The following ERC1 variants were observed in gnomAD, a reference collection of about 807,000 sequenced individuals.
ERC1 encodes the protein ELKS/RAB6-interacting/CAST family member 1, also known as RAB6 interacting protein 2.
A neutral mutation model predicts 132.0 loss-of-function variants in ERC1; 56 were observed. That is an observed-to-expected ratio of 0.42 (90% CI 0.34 to 0.53). ERC1 has a LOEUF of 0.53. Among genes scored for constraint, ERC1 ranks in the 20% least tolerant of loss-of-function variants. The pLI is 0.03. For missense variants in ERC1, 1,202 were observed against 1,349.9 expected, an observed-to-expected ratio of 0.89 and a Z score of 1.72; for synonymous variants, 478 against 476.1, an observed-to-expected ratio of 1.00 and a Z score of -0.05.
intron 16 of ERC1, among the ~76,000 whole-genome samples, chr12:1,394,189 A>T (rs4766371): frequency 6.6e-4 from 100 of 151,808 alleles, no homozygotes; most frequent in Non-Finnish European, 1.1e-3. Flanking sequence ...TCACGAGGTC[A>T]GGAGATCGAG....
chr12:1,268,554 A>G lies in ERC1; in HGVS notation c.2619+5389A>G, dbSNP rs115784408. Reference sequence around the variant, plus strand: ...AACAGAGGAAGAGGGGCAAGCCTGAAATCCAGATTTGGGAGGTCTGCAGAA... The same window carrying G: ...AACAGAGGAAGAGGGGCAAGCCTGAGATCCAGATTTGGGAGGTCTGCAGAA... On this transcript the variant is annotated intron_variant, in intron 14 of 18. Coordinates refer to ENST00000360905, the MANE Select transcript of ERC1 (RefSeq NM_178040.4). Among the ~76,000 whole-genome samples the G allele has an allele frequency of 5.2e-4, 79 of 152,306 alleles. 1 individual carries two copies. The highest frequency in any genetic ancestry group is 1.9e-3 in the African/African-American group (78 of 41,580).
intron 8 of ERC1, among the ~76,000 whole-genome samples, chr12:1,144,415 C>T (rs535093816): frequency 3.2e-4 from 49 of 151,998 alleles, no homozygotes; most frequent in Non-Finnish European, 6.3e-4. Flanking sequence ...TCCCACTTCC[C>T]CTTGACTCCC....
At chr12:1,168,161 C>G (rs1488262933) in intron 8 of ERC1, among the ~76,000 whole-genome samples, 1 of 152,094 alleles carries the variant, frequency 6.6e-6, no homozygotes, top group African/African-American at 2.4e-5. Context: ...CATTCTGTCA[C>G]CCAGGCTGCC....
intron 17 of ERC1, among the ~76,000 whole-genome samples, chr12:1,418,483 G>T (rs1055491510): frequency 6.6e-6 from 1 of 152,152 alleles, no homozygotes; most frequent in South Asian, 2.1e-4. Flanking sequence ...TATTAGATTA[G>T]ACCCAATTGT....
intron 1 of ERC1, among the ~76,000 whole-genome samples, chr12:1,020,083 A>T (rs981771022): frequency 6.6e-6 from 1 of 152,062 alleles, no homozygotes; most frequent in Non-Finnish European, 1.5e-5. Flanking sequence ...GTGATCCAAT[A>T]TGCGCACTTT....
chr12:1,343,028 C>A (rs1023407997), intron 15 of ERC1, among the ~76,000 whole-genome samples: 1 of 152,204 alleles, frequency 6.6e-6, no homozygotes, highest in East Asian at 1.9e-4. Context: ...GCGGTCCTCA[C>A]AACTCCTTCC....
Position 1,123,674 on chromosome 12 carries a change from C to T in ERC1, c.1569+7641C>T, listed in dbSNP as rs561560981. On this transcript the variant is annotated intron_variant, in intron 7 of 18. Coordinates refer to ENST00000360905, the MANE Select transcript of ERC1 (RefSeq NM_178040.4). Reference sequence around the variant, plus strand: ...ATCAAGAAAATATAACCGTGCCGATCGATGCACCTAACAGCATGGCATTTA... The same window carrying T: ...ATCAAGAAAATATAACCGTGCCGATTGATGCACCTAACAGCATGGCATTTA... Among the ~76,000 whole-genome samples the T allele has an allele frequency of 2.8e-4, 42 of 152,302 alleles. No homozygotes were observed. The South Asian group carries it at 6.2e-3, about 23-fold the overall frequency.
rs1946812256 is a variant in ERC1 at position 1,119,407 on chromosome 12, T to C, written c.1569+3374T>C. Reference sequence around the variant, plus strand: ...CACAGAGGTGGTCTGGATTTAGTAATATAGTGGTTAAAAGCATGGTCTTTG... The same window carrying C: ...CACAGAGGTGGTCTGGATTTAGTAACATAGTGGTTAAAAGCATGGTCTTTG... On this transcript the variant is annotated intron_variant, in intron 7 of 18. Transcript: ENST00000360905. 2.0e-5 allele frequency among the ~76,000 whole-genome samples: 3 copies of C among 152,138 alleles called. No individual in the cohort carries two copies. In the South Asian group the frequency reaches 6.2e-4, roughly 31 times the overall value.
chr12:1,058,152 G>C (rs1442960379), intron 2 of ERC1, among the ~76,000 whole-genome samples: 1 of 152,042 alleles, frequency 6.6e-6, no homozygotes. Flanking sequence ...TCACTCTGTT[G>C]ATTGTTTCCT....
intron 4 of ERC1, 84 bp from the exon 5 acceptor site, chr12:1,110,108 A>G (rs558617308): frequency 2.6e-6 from 3 of 1,167,102 alleles, no homozygotes; most frequent in African/African-American, 3.2e-5. Flanking sequence ...TCTTTATTAA[A>G]TGTAACTTCT....
At chr12:1,286,193 C>T (rs1182717923) in intron 14 of ERC1, among the ~76,000 whole-genome samples, 3 of 150,166 alleles carry the variant, frequency 2.0e-5, no homozygotes, top group Non-Finnish European at 4.4e-5. Flanking sequence ...ACTTGGGAAG[C>T]TGAGGCAGGA....
At chr12:1,411,108 C>T (rs2091820970) in intron 17 of ERC1, among the ~76,000 whole-genome samples, 1 of 152,122 alleles carries the variant, frequency 6.6e-6, no homozygotes, top group South Asian at 2.1e-4. Context: ...CCTCCCTTTT[C>T]ATGGATTGCT....
chr12:1,084,617 T>TAGGTAA (rs1565935500), intron 3 of ERC1, among the ~76,000 whole-genome samples: 4 of 152,130 alleles, frequency 2.6e-5, no homozygotes, highest in Non-Finnish European at 4.4e-5. Context: ...AACTTATAAC[T>TAGGTAA]CAAAGTATTG....
At chr12:1,141,477 C>A in intron 7 of ERC1, 143 bp from the exon 8 acceptor site, 1 of 532,996 alleles carries the variant, frequency 1.9e-6, no homozygotes, top group Non-Finnish European at 3.0e-6. Flanking sequence ...GACTCTGAAT[C>A]CAGAGAAACA....
chr12:1,037,764 G>A (rs944455750), intron 2 of ERC1, among the ~76,000 whole-genome samples: 1 of 152,118 alleles, frequency 6.6e-6, no homozygotes, highest in Non-Finnish European at 1.5e-5. Flanking sequence ...GCTATATCCG[G>A]CCTGGCGCAG....
intron 8 of ERC1, among the ~76,000 whole-genome samples, chr12:1,165,406 C>T (rs550604533): frequency 1.8e-4 from 28 of 151,858 alleles, no homozygotes; most frequent in South Asian, 4.2e-4. Context: ...CCCGGGTTCA[C>T]GCCATTCTCC....
chr12:1,175,102 T>A (rs1953543536), intron 8 of ERC1, among the ~76,000 whole-genome samples: 1 of 152,232 alleles, frequency 6.6e-6, no homozygotes, highest in Non-Finnish European at 1.5e-5. Flanking sequence ...AATATGCTAA[T>A]GATTTTCTGA....
chr12:1,081,697 G>T (rs997276712), intron 2 of ERC1, among the ~76,000 whole-genome samples: 2 of 152,158 alleles, frequency 1.3e-5, no homozygotes, highest in Admixed American at 6.5e-5. Flanking sequence ...GTTGCCGGGG[G>T]TAGGGGGAAA....
chr12:1,193,480 A>G (rs1235142761), intron 12 of ERC1, among the ~76,000 whole-genome samples: 1 of 152,086 alleles, frequency 6.6e-6, no homozygotes, highest in East Asian at 1.9e-4. Context: ...ATACATATAT[A>G]CACACATATA....
Sources: allele counts gnomAD v4.1 joint callset (sites outside exome capture counted in the v4.1 genomes callset), GRCh38; gene constraint gnomAD v4.1.1; transcripts MANE v1.5; gene names NCBI Gene and HGNC (gene_info 2026-07-23, HGNC 2026-07-21).